UACA: variants seen among roughly 807,000 people sequenced by gnomAD.
The protein encoded by UACA is uveal autoantigen with coiled-coil domains and ankyrin repeats, also known as nuclear membrane binding protein.
In UACA, 112 loss-of-function variants were observed where a neutral mutation model predicts 160.5. The ratio of observed to expected loss-of-function variants is 0.70; its 90% CI spans 0.60 to 0.82. The LOEUF is 0.82. Ranked by LOEUF, UACA falls within the 40% of genes least tolerant of loss-of-function variation. The probability of loss-of-function intolerance (pLI) is 0.00; values close to 1 mark genes in which losing one functional copy is unlikely to be tolerated. For missense variants in UACA, 1,574 were observed against 1,614.6 expected (o/e 0.97, Z 0.43); for synonymous variants, 557 against 568.4 (o/e 0.98, Z 0.29).
intron 1 of UACA, among the ~76,000 whole-genome samples, chr15:70,728,632 G>A (rs187333914): frequency 1.2e-4 from 18 of 149,734 alleles, no homozygotes; most frequent in Middle Eastern, 3.5e-3. Flanking sequence ...AATCAGCCTC[G>A]GCAAAACATT....
chr15:70,717,277 T>G lies in UACA; in HGVS notation c.79-17617A>C, dbSNP rs74700925. Among the ~76,000 whole-genome samples, 338 of 152,324 alleles carry G rather than the reference T, an allele frequency of 2.2e-3. 3 individuals carry two copies. The highest frequency in any genetic ancestry group is 8.0e-3 in the African/African-American group (333 of 41,570). ...TACTGTAATGTCTAATCAGTATACATTCACACTTGAATGGAAACACTAAAC... is the reference window on the plus strand; with the variant it reads ...TACTGTAATGTCTAATCAGTATACAGTCACACTTGAATGGAAACACTAAAC... On this transcript the variant is annotated intron_variant, in intron 1 of 18. Transcript: ENST00000322954.
the UACA span, among the ~76,000 whole-genome samples, chr15:70,775,130 C>T: frequency 6.6e-6 from 1 of 152,112 alleles, no homozygotes; most frequent in Non-Finnish European, 1.5e-5. Flanking sequence ...ATTTGGGAAA[C>T]CCTGTTGACA....
At chr15:70,768,186 T>A (rs1595933814), upstream of UACA, 1 of 152,348 alleles carries the variant, frequency 6.6e-6, no homozygotes, top group South Asian at 2.1e-4. Context: ...CAATTCCTTC[T>A]TACAGAAACC....
upstream of UACA, among the ~76,000 whole-genome samples, chr15:70,763,902 A>G (rs1007385768): frequency 1.3e-5 from 2 of 152,166 alleles, no homozygotes; most frequent in African/African-American, 4.8e-5. Context: ...CTCTTTACCA[A>G]GTAAAGTTCC....
chr15:70,671,253 T>G, intron 14 of UACA, 162 bp from the exon 15 acceptor site: 1 of 484,544 alleles, frequency 2.1e-6, no homozygotes, highest in Non-Finnish European at 3.7e-6. Flanking sequence ...CCCTTATTAT[T>G]TCTATAAACA....
rs200302709 is a variant in UACA, at chr15:70,677,120, A to G, written c.1020T>C (p.Asp340=). 6.2e-7 allele frequency: 1 copy of G among 1,604,226 alleles called. No homozygotes were observed. The highest frequency in any genetic ancestry group is 2.2e-5 in the East Asian group (1 of 44,564). The change falls in exon 12 of 19, where the codon GAT becomes GAC. Residue 340 remains aspartate, a synonymous_variant. Transcript: ENST00000322954. The stretch of plus-strand genomic sequence containing the variant: ...AATGTCACCCTACCTCGCTTTCCAG[A>G]TCATCAGCAACCATAACTTCCTAAA... ...QLNEEVMVAD[D]LESEREKLKS...
intron 1 of UACA, chr15:70,701,772 A>T: frequency 8.8e-7 from 1 of 1,138,364 alleles, no homozygotes; most frequent in Non-Finnish European, 1.2e-6. Flanking sequence ...AGAAGAAAAC[A>T]ATAAAGCAAA....
intron 9 of UACA, chr15:70,681,868 A>G (rs1464898532): frequency 6.6e-6 from 1 of 152,248 alleles, no homozygotes; most frequent in Non-Finnish European, 1.5e-5. Context: ...CATGTATCTC[A>G]GAACTTAAAG....
Position 70,656,970 on chromosome 15 carries a change from A to C in UACA, c.*86T>G. 6 of 1,060,880 alleles carry C rather than the reference A, an allele frequency of 5.7e-6. No individual in the cohort carries two copies. The highest frequency in any genetic ancestry group is 2.0e-4 in the Middle Eastern group (1 of 4,882). 65.7% of individuals were successfully genotyped at this position (1,060,880 alleles called of 1,614,324 possible). On this transcript the variant is annotated 3_prime_UTR_variant, in exon 19 of 19. Transcript: ENST00000322954. ...TATTTTATTTTAATTATACCAGCAC[A>C]GTAAGGCCCAGAAAGACCATGGAGT... is the stretch of plus-strand genomic sequence containing the variant.
At chr15:70,749,723 T>TAAAAAAAAAAAAAAAAAAAAA (rs2029923574) in intron 1 of UACA, among the ~76,000 whole-genome samples, 1 of 138,322 alleles carries the variant, frequency 7.2e-6, no homozygotes, top group Admixed American at 7.1e-5. Context: ...AAAAAAAAAG[T>TAAAAAAAAAAAAAAAAAAAAA]TGGAGAAAAC....
chr15:70,710,869 C>T (rs941081373), intron 1 of UACA, among the ~76,000 whole-genome samples: 5 of 152,210 alleles, frequency 3.3e-5, no homozygotes, highest in Admixed American at 6.5e-5. Flanking sequence ...GGGGCTTTCA[C>T]GGAGGCTACA....
rs1038789967 is a variant in UACA at position 70,763,476 on chromosome 15, G to A, written c.-69C>T. The A allele has an allele frequency of 4.7e-6, 6 of 1,263,560 alleles. No homozygotes were observed. In the African/African-American group the frequency reaches 6.2e-5, roughly 13 times the overall value. The allele number at this position is 1,263,560 out of a possible 1,614,324, so 78.3% of individuals were successfully genotyped here. On this transcript the variant is annotated 5_prime_UTR_variant, in exon 1 of 19. Coordinates refer to ENST00000322954, the MANE Select transcript of UACA (RefSeq NM_018003.4). ...GAGTGCCAGCGCGCAAGGAGTAGAC[G>A]GCAGCGGCTGCAGCAGAGGCGGCGC...
chr15:70,729,236 G>C (rs1421662133), intron 1 of UACA, among the ~76,000 whole-genome samples: 2 of 152,134 alleles, frequency 1.3e-5, no homozygotes, highest in Non-Finnish European at 2.9e-5. Flanking sequence ...CACCGTACTT[G>C]TATGTTCACT....
Position 70,740,916 on chromosome 15 carries a change from G to A in UACA, c.78+22414C>T, listed in dbSNP as rs529128450. Among the ~76,000 whole-genome samples the A allele has an allele frequency of 5.3e-5, 8 of 152,018 alleles. No homozygotes were observed. In the South Asian group the frequency reaches 1.0e-3, roughly 20 times the overall value. ...TAGCCAGGCGTCGTGGTGGGCGCCTGTAGCCCCAGCTACTCAGGAGGCTGA... is the reference window on the plus strand; with the variant it reads ...TAGCCAGGCGTCGTGGTGGGCGCCTATAGCCCCAGCTACTCAGGAGGCTGA... On this transcript the variant is annotated intron_variant, in intron 1 of 18. Transcript: ENST00000322954.
At chr15:70,777,638 C>G in the UACA span, among the ~76,000 whole-genome samples, 1 of 152,188 alleles carries the variant, frequency 6.6e-6, no homozygotes, top group Admixed American at 6.5e-5. Flanking sequence ...AATCAGTGTG[C>G]TGGGTGAGGA....
At position 70,684,339 on chromosome 15, in the gene UACA, G is replaced by C; in HGVS notation, c.710C>G (p.Ser237Cys). The change falls in exon 8 of 19, where the codon TCT becomes TGT. Residue 237 changes from serine to cysteine, a missense_variant. Ser to Cys is a moderately radical substitution (Grantham distance 112). Transcript: ENST00000322954. The part of the protein sequence containing the change: ...SLLDALGHDS[S>C]YYARIGDNLD... ...ATTGTCACCAATTCTTGCATAGTAAGAACTATCATGGCCAAGCGCATCCAG... is the reference window on the plus strand; with the variant it reads ...ATTGTCACCAATTCTTGCATAGTAACAACTATCATGGCCAAGCGCATCCAG... 1.9e-6 allele frequency: 3 copies of C among 1,613,748 alleles called. No homozygotes were observed. The highest frequency in any genetic ancestry group is 2.5e-6 in the Non-Finnish European group (3 of 1,179,814).
intron 1 of UACA, among the ~76,000 whole-genome samples, chr15:70,708,517 A>G (rs1204101140): frequency 1.3e-5 from 2 of 151,456 alleles, no homozygotes; most frequent in African/African-American, 4.9e-5. Context: ...CTGGACTGCA[A>G]TGGCACAATA....
chr15:70,713,859 C>T (rs1595905665), intron 1 of UACA, among the ~76,000 whole-genome samples: 2 of 151,956 alleles, frequency 1.3e-5, no homozygotes, highest in East Asian at 3.9e-4. Context: ...ACCTAGAAAT[C>T]TAAATAAACT....
chr15:70,737,046 G>T (rs1180035126), intron 1 of UACA, among the ~76,000 whole-genome samples: 1 of 152,070 alleles, frequency 6.6e-6, no homozygotes, highest in African/African-American at 2.4e-5. Context: ...TTATTTTTTT[G>T]AATTTCAAGG....
Sources: allele counts gnomAD v4.1 joint callset (sites outside exome capture counted in the v4.1 genomes callset), GRCh38; gene constraint gnomAD v4.1.1; transcripts MANE v1.5; gene names NCBI Gene and HGNC (gene_info 2026-07-23, HGNC 2026-07-21).